CCDC85C: variants seen among roughly 807,000 people sequenced by gnomAD.
The protein encoded by CCDC85C is coiled-coil domain-containing protein 85C.
A neutral mutation model predicts 38.3 loss-of-function variants in CCDC85C; 18 were observed. The ratio of observed to expected loss-of-function variants is 0.47; its 90% CI spans 0.33 to 0.70. The LOEUF (loss-of-function observed/expected upper bound fraction) is 0.70, where lower values mean the gene tolerates loss of function less well. Among genes scored for constraint, CCDC85C ranks in the 30% least tolerant of loss-of-function variants. The probability of loss-of-function intolerance (pLI) is 0.03; values close to 1 mark genes in which losing one functional copy is unlikely to be tolerated. For missense variants in CCDC85C, 566 were observed against 621.2 expected (o/e 0.91, Z 0.94); for synonymous variants, 264 against 293.8 (o/e 0.90, Z 1.04).
chr14:99,516,973 C>T lies in CCDC85C; in HGVS notation c.1071+115G>A, dbSNP rs549758896. On this transcript the variant is annotated intron_variant, in intron 4 of 5. Coordinates refer to ENST00000380243, the MANE Select transcript of CCDC85C (RefSeq NM_001144995.2). This position sits in a 1 kb window ranked among gnomAD's most constrained non-coding sequence, Gnocchi z 5.5. ...AGCCATGGTCACCCAGCCACCCACA[C>T]ACAGATGAAACCTCCCACCCCTGCC... 1.7e-4 allele frequency: 169 copies of T among 978,684 alleles called. 1 individual carries two copies. In the South Asian group the frequency reaches 2.3e-3, roughly 13 times the overall value. 60.6% of individuals were successfully genotyped at this position (978,684 alleles called of 1,614,324 possible). A position where few individuals can be genotyped will look rare whatever the true frequency, so the allele number is the denominator to read the frequency against.
Position 99,535,102 on chromosome 14 carries a change from G to A in CCDC85C, c.867+913C>T, listed in dbSNP as rs1162688985. ...TCCCAGCAGCCGCCCAGTGGGCAGA[G>A]AGGGTGCCGTGGAATTCCTGAGCTG... On this transcript the variant is annotated intron_variant, in intron 2 of 5. Coordinates refer to ENST00000380243, the MANE Select transcript of CCDC85C (RefSeq NM_001144995.2). This position sits in a 1 kb window ranked among gnomAD's most constrained non-coding sequence, Gnocchi z 5.5. 1 of 197,410 alleles carries A rather than the reference G, an allele frequency of 5.1e-6. No homozygotes were observed. Among genetic ancestry groups the A allele is most frequent in the Admixed American group, 5.6e-5 (1 of 17,704 alleles). 12.2% of individuals were successfully genotyped at this position (197,410 alleles called of 1,614,324 possible). A position where few individuals can be genotyped will look rare whatever the true frequency, so the allele number is the denominator to read the frequency against.
At chr14:99,549,469 C>T (rs955098623) in intron 1 of CCDC85C, among the ~76,000 whole-genome samples, 7 of 152,190 alleles carry the variant, frequency 4.6e-5, no homozygotes, top group African/African-American at 1.7e-4. Context: ...GGAAGCCACC[C>T]ACCAGCACAC....
Position 99,504,134 on chromosome 14 carries a change from G to GTT in CCDC85C, c.*11110_*11111dup, listed in dbSNP as rs1896912864. On this transcript the variant is annotated 3_prime_UTR_variant, in exon 6 of 6. Transcript: ENST00000380243. ...TGCTGTCACATGTCTAGAACCCAAA[G>GTT]TTAGTTCATGTCAATATTGGAAATA... 2 of 310,590 alleles carry GTT rather than the reference G, an allele frequency of 6.4e-6. No individual in the cohort carries two copies. The allele number at this position is 310,590 out of a possible 1,614,324, so 19.2% of individuals were successfully genotyped here.
At position 99,510,324 on chromosome 14, in the gene CCDC85C, A is replaced by T; in HGVS notation, c.*4922T>A. ...CCCGCCCCCACCCCCCTCCAGCTAC[A>T]TGACCGGGATGTCCACCACCAGCTC... On this transcript the variant is annotated 3_prime_UTR_variant, in exon 6 of 6. Transcript: ENST00000380243. The T allele has an allele frequency of 3.8e-6, 4 of 1,056,794 alleles. No individual in the cohort carries two copies. Among genetic ancestry groups the T allele is most frequent in the Non-Finnish European group, 5.2e-6 (4 of 775,544 alleles). The allele number at this position is 1,056,794 out of a possible 1,614,324, so 65.5% of individuals were successfully genotyped here.
Position 99,500,678 on chromosome 14 carries a change from A to G in CCDC85C, c.*14568T>C. On this transcript the variant is annotated 3_prime_UTR_variant, in exon 6 of 6. Coordinates refer to ENST00000380243, the MANE Select transcript of CCDC85C (RefSeq NM_001144995.2). ...TTGCTAAAATATAACTTGAAGAGAG[A>G]ATAAATAGACAGGAAAGCTCACTTT... is the stretch of plus-strand genomic sequence containing the variant. The G allele has an allele frequency of 1.2e-6, 1 of 860,674 alleles. No individual in the cohort carries two copies. The highest frequency in any genetic ancestry group is 2.7e-5 in the East Asian group (1 of 37,530). 53.3% of individuals were successfully genotyped at this position (860,674 alleles called of 1,614,324 possible). A position where few individuals can be genotyped will look rare whatever the true frequency, so the allele number is the denominator to read the frequency against.
rs1223119457 is a variant in CCDC85C, at chr14:99,548,423, CAG to C, written c.794-12337_794-12336del. On this transcript the variant is annotated intron_variant, in intron 1 of 5. Transcript: ENST00000380243. The surrounding 1 kb of genome is among the most constrained non-coding windows in gnomAD (Gnocchi z 4.9). ...GGTGCACACGTAAGAACGGGCCACA[CAG>C]GGGATGCTGATGATCGGCGCAGCGG... 6.6e-6 allele frequency among the ~76,000 whole-genome samples: 1 copy of C among 152,082 alleles called. No homozygotes were observed. The highest frequency in any genetic ancestry group is 1.5e-5 in the Non-Finnish European group (1 of 68,028).
At chr14:99,529,845 A>G (rs1897458689) in intron 2 of CCDC85C, among the ~76,000 whole-genome samples, 2 of 152,206 alleles carry the variant, frequency 1.3e-5, no homozygotes, top group Non-Finnish European at 2.9e-5. Flanking sequence ...CCCACAATGG[A>G]CAGGAAAGAT....
intron 1 of CCDC85C, among the ~76,000 whole-genome samples, chr14:99,537,364 G>A (rs924054956): frequency 3.9e-5 from 6 of 152,140 alleles, no homozygotes; most frequent in Admixed American, 1.3e-4. Context: ...GGGGGGACAG[G>A]GGCTTGGGTG....
intron 1 of CCDC85C, among the ~76,000 whole-genome samples, chr14:99,590,872 A>C (rs527917595): frequency 1.5e-4 from 23 of 152,304 alleles, no homozygotes; most frequent in South Asian, 8.3e-4. Flanking sequence ...GGAAAGCACC[A>C]CAAGGCTGCA....
intron 1 of CCDC85C, among the ~76,000 whole-genome samples, chr14:99,599,816 C>T (rs1195751672): frequency 1.3e-5 from 2 of 152,096 alleles, no homozygotes; most frequent in Non-Finnish European, 2.9e-5. Context: ...TTGAGGTTGC[C>T]GCGAGCCATG....
At chr14:99,549,841 T>A (rs960585661) in intron 1 of CCDC85C, among the ~76,000 whole-genome samples, 13 of 152,194 alleles carry the variant, frequency 8.5e-5, no homozygotes, top group African/African-American at 3.1e-4. Context: ...CTTCCAGCCG[T>A]GGAGAAGGAC....
At position 99,506,839 on chromosome 14, in the gene CCDC85C, T is replaced by C. The variant is rs1595324669; in HGVS notation, c.*8407A>G. The C allele has an allele frequency of 2.8e-5, 14 of 491,530 alleles. No homozygotes were observed. The East Asian group carries it at 5.3e-4, about 18-fold the overall frequency. The allele number at this position is 491,530 out of a possible 1,614,324, so 30.4% of individuals were successfully genotyped here. A position where few individuals can be genotyped will look rare whatever the true frequency, so the allele number is the denominator to read the frequency against. On this transcript the variant is annotated 3_prime_UTR_variant, in exon 6 of 6. Transcript: ENST00000380243. ...GTCAGCAAGGAAACTTAGGTAGACA[T>C]GGAAAATGGGCTGCCTGTGGGAAGC...
intron 1 of CCDC85C, among the ~76,000 whole-genome samples, chr14:99,565,809 C>A (rs1488528938): frequency 6.6e-6 from 1 of 152,188 alleles, no homozygotes; most frequent in Non-Finnish European, 1.5e-5. Flanking sequence ...GAGCAACAAA[C>A]ACAAATGGGT....
At position 99,512,835 on chromosome 14, in the gene CCDC85C, T is replaced by TG; in HGVS notation, c.*2410dup. 1 of 152,118 alleles carries TG rather than the reference T, an allele frequency of 6.6e-6. No individual in the cohort carries two copies. The highest frequency in any genetic ancestry group is 1.5e-5 in the Non-Finnish European group (1 of 68,048). The allele number at this position is 152,118 out of a possible 1,614,324, so 9.4% of individuals were successfully genotyped here. A position where few individuals can be genotyped will look rare whatever the true frequency, so the allele number is the denominator to read the frequency against. On this transcript the variant is annotated 3_prime_UTR_variant, in exon 6 of 6. Transcript: ENST00000380243. ...CTACAGCATGCCCAGATTTCCCCTG[T>TG]GGGAAGCCCCATCTGACCTTCTACA...
chr14:99,563,295 A>G (rs1033438766), intron 1 of CCDC85C, among the ~76,000 whole-genome samples: 5 of 152,240 alleles, frequency 3.3e-5, no homozygotes, highest in African/African-American at 1.2e-4. Flanking sequence ...GCCGCGTTCC[A>G]TCCTTTGTAT....
At chr14:99,599,250 G>A (rs1022156428) in intron 1 of CCDC85C, among the ~76,000 whole-genome samples, 14 of 151,978 alleles carry the variant, frequency 9.2e-5, no homozygotes, top group Admixed American at 3.3e-4. Context: ...ATTTTAATCC[G>A]AACTTTAAAA....
chr14:99,582,554 T>C (rs2054984481), intron 1 of CCDC85C, among the ~76,000 whole-genome samples: 1 of 151,960 alleles, frequency 6.6e-6, no homozygotes, highest in Non-Finnish European at 1.5e-5. Context: ...CAGTGGCTCA[T>C]GCCTGTAATC....
chr14:99,510,240 A>C lies in CCDC85C; in HGVS notation c.*5006T>G. On this transcript the variant is annotated 3_prime_UTR_variant, in exon 6 of 6. Coordinates refer to ENST00000380243, the MANE Select transcript of CCDC85C (RefSeq NM_001144995.2). ...TGCCACTGACCTCCCCAAAGTCCAG[A>C]TTCCCCCTCCGGCCCACCCGGCCCC... The C allele has an allele frequency of 1.9e-6, 3 of 1,592,100 alleles. No individual in the cohort carries two copies. In the South Asian group the frequency reaches 3.4e-5, roughly 18 times the overall value.
chr14:99,560,931 C>A (rs1898105333), intron 1 of CCDC85C, among the ~76,000 whole-genome samples: 1 of 152,220 alleles, frequency 6.6e-6, no homozygotes, highest in South Asian at 2.1e-4. Flanking sequence ...GCCTCCACCC[C>A]CAGGCCCACA....
Sources: gnomAD v4.1 joint callset for allele counts (sites outside exome capture counted in the v4.1 genomes callset) on GRCh38, gnomAD v4.1.1 for gene constraint, Gnocchi (gnomAD v3.1) non-coding constraint, MANE v1.5 for transcripts, NCBI Gene and HGNC (gene_info 2026-07-23, HGNC 2026-07-21) for gene names.